DPH6: variants seen among roughly 807,000 people sequenced by gnomAD.
The protein encoded by DPH6 is diphthamine biosynthesis 6, also known as diphthine--ammonia ligase.
Under a neutral mutation model 38.2 loss-of-function variants are expected in DPH6, and 33 were observed. The ratio of observed to expected loss-of-function variants is 0.86; its 90% CI spans 0.65 to 1.15. DPH6 has a LOEUF of 1.15. DPH6 is among the 50% of genes most tolerant of loss of function. DPH6 has a pLI of 0.00. For synonymous variants in DPH6, 108 were observed against 103.0 expected (o/e 1.05, Z -0.30); for missense variants, 325 against 320.0 (o/e 1.02, Z -0.12).
chr15:35,423,416 C>T (rs998128285), intron 5 of DPH6, among the ~76,000 whole-genome samples: 1 of 151,644 alleles, frequency 6.6e-6, no homozygotes, highest in African/African-American at 2.4e-5. Flanking sequence ...TATGAAGTTG[C>T]ATGAGTTCCT....
At chr15:35,262,295 A>C (rs2051752068) in intron 3 of DPH6, among the ~76,000 whole-genome samples, 2 of 152,362 alleles carry the variant, frequency 1.3e-5, no homozygotes, top group East Asian at 3.9e-4. Context: ...AAAAAATAAG[A>C]TAAACACACT....
At chr15:35,427,684 T>C (rs554997393) in intron 5 of DPH6, among the ~76,000 whole-genome samples, 14 of 151,738 alleles carry the variant, frequency 9.2e-5, no homozygotes, top group African/African-American at 3.1e-4. Context: ...AAATACTAGA[T>C]AGAAGTAAAC....
chr15:35,252,125 A>G (rs141905285), intron 3 of DPH6, among the ~76,000 whole-genome samples: 21 of 152,306 alleles, frequency 1.4e-4, no homozygotes, highest in East Asian at 9.6e-4. Context: ...CCATCTCAAA[A>G]TCAATCAATC....
At chr15:35,311,271 ACAAGTACTGAAAAC>A (rs939839209) in intron 3 of DPH6, among the ~76,000 whole-genome samples, 6 of 152,314 alleles carry the variant, frequency 3.9e-5, no homozygotes, top group Non-Finnish European at 7.4e-5. Flanking sequence ...AAGGCAATTT[ACAAGTACTGAAAAC>A]AAAAATGCAC....
intron 6 of DPH6, among the ~76,000 whole-genome samples, chr15:35,383,993 G>T (rs1415330830): frequency 1.3e-5 from 2 of 152,198 alleles, no homozygotes; most frequent in Non-Finnish European, 2.9e-5. Context: ...GAAGCATCCA[G>T]ATGTGCACAT....
At chr15:35,468,069 A>C (rs2054150071) in intron 3 of DPH6, among the ~76,000 whole-genome samples, 1 of 152,238 alleles carries the variant, frequency 6.6e-6, no homozygotes, top group Non-Finnish European at 1.5e-5. Flanking sequence ...AATTTCTTGA[A>C]AAATATTTCA....
chr15:35,167,576 A>ATTTT, the DPH6 span, among the ~76,000 whole-genome samples: 359 of 145,322 alleles, frequency 2.5e-3, 1 homozygote, highest in African/African-American at 8.5e-3. Context: ...TTTTTTTAAA[A>ATTTT]AAAAAAAAAA....
At chr15:35,199,159 C>T in the DPH6 span, among the ~76,000 whole-genome samples, 326 of 152,242 alleles carry the variant, frequency 2.1e-3, 2 homozygotes, top group Admixed American at 0.012. Context: ...GTGATCCACC[C>T]ACTTCAGCCT....
intron 3 of DPH6, among the ~76,000 whole-genome samples, chr15:35,523,855 C>G (rs1434491674): frequency 6.6e-6 from 1 of 152,070 alleles, no homozygotes; most frequent in Non-Finnish European, 1.5e-5. Context: ...ATGTCCCCCT[C>G]CACCCATCCA....
chr15:35,162,717 T>C, the DPH6 span, among the ~76,000 whole-genome samples: 1 of 151,908 alleles, frequency 6.6e-6, no homozygotes, highest in African/African-American at 2.4e-5. Context: ...GAAGACAAGA[T>C]GTTTGTCTTT....
At chr15:35,381,974 GCT>G (rs1280024390) in intron 6 of DPH6, 58 bp from the exon 7 acceptor site, 6 of 1,292,714 alleles carry the variant, frequency 4.6e-6, no homozygotes, top group African/African-American at 1.5e-5. Flanking sequence ...CAGCATAAAT[GCT>G]CTCTTATCTG....
chr15:35,419,357 T>C (rs1433568545), intron 5 of DPH6, among the ~76,000 whole-genome samples: 2 of 152,128 alleles, frequency 1.3e-5, no homozygotes, highest in Non-Finnish European at 2.9e-5. Flanking sequence ...AGGAAGGACC[T>C]TATTTCAAGT....
At chr15:35,305,265 A>G (rs74839707) in intron 3 of DPH6, among the ~76,000 whole-genome samples, 3,338 of 152,184 alleles carry the variant, frequency 0.022, 51 homozygotes, top group Non-Finnish European at 0.037. Flanking sequence ...TTTGCCTCCA[A>G]ATAATTATTA....
At chr15:35,336,285 T>G (rs1004711883) in intron 3 of DPH6, among the ~76,000 whole-genome samples, 1 of 152,084 alleles carries the variant, frequency 6.6e-6, no homozygotes, top group African/African-American at 2.4e-5. Flanking sequence ...GGTTCCATTC[T>G]CCCCATCACT....
chr15:35,295,810 T>C (rs376439449), intron 3 of DPH6, among the ~76,000 whole-genome samples: 1 of 152,216 alleles, frequency 6.6e-6, no homozygotes, highest in East Asian at 1.9e-4. Flanking sequence ...TGGACTTTAT[T>C]GAATGAAGTC....
intron 3 of DPH6, among the ~76,000 whole-genome samples, chr15:35,503,318 C>T (rs778619041): frequency 6.6e-6 from 1 of 151,910 alleles, no homozygotes; most frequent in Admixed American, 6.6e-5. Flanking sequence ...TTTAAAAAGA[C>T]CATCCCCTTT....
intron 5 of DPH6, among the ~76,000 whole-genome samples, chr15:35,448,006 T>G (rs1049106053): frequency 3.3e-5 from 5 of 152,218 alleles, no homozygotes; most frequent in African/African-American, 1.2e-4. Context: ...ATCAATTTAG[T>G]TACTTTGCAA....
intron 3 of DPH6, among the ~76,000 whole-genome samples, chr15:35,275,586 C>T (rs1408648986): frequency 1.3e-5 from 2 of 151,858 alleles, no homozygotes; most frequent in Non-Finnish European, 2.9e-5. Flanking sequence ...ACCATTAGGA[C>T]AAATACCTAA....
chr15:35,345,014 T>C (rs924924163), intron 3 of DPH6, among the ~76,000 whole-genome samples: 2 of 151,778 alleles, frequency 1.3e-5, no homozygotes, highest in African/African-American at 4.8e-5. Flanking sequence ...TATGTTAAAA[T>C]ACAGAATACA....
Sources: gnomAD v4.1 joint callset for allele counts (sites outside exome capture counted in the v4.1 genomes callset) on GRCh38, gnomAD v4.1.1 for gene constraint, MANE v1.5 for transcripts, NCBI Gene and HGNC (gene_info 2026-07-23, HGNC 2026-07-21) for gene names.